The following SDK1 variants were observed in gnomAD, a reference collection of about 807,000 sequenced individuals.
SDK1 encodes sidekick cell adhesion molecule 1.
A neutral mutation model predicts 245.5 loss-of-function variants in SDK1; 157 were observed. The ratio of observed to expected loss-of-function variants is 0.64; its 90% CI spans 0.56 to 0.73. SDK1 has a LOEUF of 0.73. SDK1 is among the 30% of genes least tolerant of loss of function. The pLI is 0.00. For missense variants in SDK1, 3,583 were observed against 3,002.3 expected (o/e 1.19, Z -4.52); for synonymous variants, 1,647 against 1,278.5 (o/e 1.29, Z -6.15).
Position 4,175,887 on chromosome 7 carries a change from C to T in SDK1, c.4996+53C>T, listed in dbSNP as rs1244093061. The T allele has an allele frequency of 2.6e-6, 4 of 1,514,382 alleles. No individual in the cohort carries two copies. The South Asian group carries it at 3.4e-5, about 13-fold the overall frequency. 93.8% of individuals were successfully genotyped at this position (1,514,382 alleles called of 1,614,324 possible). On this transcript the variant is annotated intron_variant, in intron 34 of 44. Coordinates refer to ENST00000404826, the MANE Select transcript of SDK1 (RefSeq NM_152744.4). ...TGCCGCGAGGCGCACACACTGTGCCCAGAGCCAGCTGGTCTCTCAGTGCAA... is the reference window on the plus strand; with the variant it reads ...TGCCGCGAGGCGCACACACTGTGCCTAGAGCCAGCTGGTCTCTCAGTGCAA...
chr7:3,883,917 C>T (rs762482502), intron 5 of SDK1, among the ~76,000 whole-genome samples: 1 of 152,142 alleles, frequency 6.6e-6, no homozygotes, highest in Non-Finnish European at 1.5e-5. Context: ...AACATCAATA[C>T]GATGAAGTCA....
chr7:3,985,240 C>G (rs746630350), intron 13 of SDK1, among the ~76,000 whole-genome samples: 2 of 152,378 alleles, frequency 1.3e-5, no homozygotes, highest in African/African-American at 2.4e-5. Flanking sequence ...ACTCAGGAAA[C>G]TAAAACAGTC....
intron 16 of SDK1, among the ~76,000 whole-genome samples, chr7:4,014,436 T>C (rs1376297381): frequency 6.6e-6 from 1 of 152,124 alleles, no homozygotes; most frequent in Non-Finnish European, 1.5e-5. Context: ...TATCAAAGTT[T>C]TCAGAAATGA....
At chr7:3,853,211 C>T (rs1780461342) in intron 5 of SDK1, among the ~76,000 whole-genome samples, 2 of 152,028 alleles carry the variant, frequency 1.3e-5, no homozygotes, top group African/African-American at 4.8e-5. Context: ...ATTGACTTTC[C>T]ATTGCAAAGA....
intron 14 of SDK1, among the ~76,000 whole-genome samples, chr7:3,997,440 C>T (rs1443116617): frequency 5.3e-5 from 8 of 152,004 alleles, no homozygotes; most frequent in Non-Finnish European, 1.2e-4. Context: ...GCTGGCAGCT[C>T]ATCCCGACAA....
chr7:3,418,999 T>C (rs1278174090), intron 1 of SDK1, among the ~76,000 whole-genome samples: 1 of 152,208 alleles, frequency 6.6e-6, no homozygotes, highest in Non-Finnish European at 1.5e-5. Context: ...CAAAGAATGT[T>C]ATATCAAAAG....
chr7:3,534,656 C>T (rs1778822068), intron 1 of SDK1, among the ~76,000 whole-genome samples: 1 of 152,144 alleles, frequency 6.6e-6, no homozygotes, highest in South Asian at 2.1e-4. Flanking sequence ...CTGCCTTTCA[C>T]ACTAGAGGCT....
chr7:3,642,177 G>C (rs575078984), intron 4 of SDK1, 72 bp downstream of exon 4: 2 of 1,452,004 alleles, frequency 1.4e-6, no homozygotes. Context: ...TACACAGTAA[G>C]TGTACCAATT....
intron 13 of SDK1, among the ~76,000 whole-genome samples, chr7:3,977,622 C>A (rs530123904): frequency 6.6e-6 from 1 of 152,238 alleles, no homozygotes. Context: ...TAGCATTCAA[C>A]GACAGTAGCA....
At chr7:3,645,038 CA>C (rs1782786137) in intron 4 of SDK1, among the ~76,000 whole-genome samples, 1 of 152,094 alleles carries the variant, frequency 6.6e-6, no homozygotes, top group African/African-American at 2.4e-5. Flanking sequence ...AACTTAGCAG[CA>C]AATAAGTCTG....
At chr7:3,683,682 C>T (rs1055594799) in intron 4 of SDK1, among the ~76,000 whole-genome samples, 1 of 152,220 alleles carries the variant, frequency 6.6e-6, no homozygotes, top group Non-Finnish European at 1.5e-5. Context: ...AAAGGAGAGG[C>T]AGCTGCCTGG....
chr7:3,367,507 C>T (rs1781122489), intron 1 of SDK1, among the ~76,000 whole-genome samples: 1 of 152,188 alleles, frequency 6.6e-6, no homozygotes, highest in African/African-American at 2.4e-5. Context: ...CCCGGCATTT[C>T]ATCTATCCCA....
intron 32 of SDK1, among the ~76,000 whole-genome samples, chr7:4,171,174 C>T (rs983091436): frequency 4.6e-5 from 7 of 152,260 alleles, no homozygotes; most frequent in South Asian, 2.1e-4. Context: ...AGGGTGTGGA[C>T]GGATGGGGTG....
chr7:3,334,437 A>C (rs185297320), intron 1 of SDK1, among the ~76,000 whole-genome samples: 132 of 152,094 alleles, frequency 8.7e-4, no homozygotes, highest in African/African-American at 3.0e-3. Flanking sequence ...GTCCCTTTCA[A>C]ATGACCACAG....
intron 5 of SDK1, among the ~76,000 whole-genome samples, chr7:3,843,282 G>C (rs1780202412): frequency 1.3e-5 from 2 of 152,222 alleles, no homozygotes; most frequent in African/African-American, 4.8e-5. Flanking sequence ...GCATAACGTA[G>C]ACTCACATGG....
chr7:4,186,704 A>T (rs2128221439), intron 35 of SDK1, among the ~76,000 whole-genome samples: 1 of 152,194 alleles, frequency 6.6e-6, no homozygotes, highest in Non-Finnish European at 1.5e-5. Flanking sequence ...CTAGGGAGAG[A>T]CCAGAAGCCC....
At chr7:3,399,001 A>G (rs184554507) in intron 1 of SDK1, among the ~76,000 whole-genome samples, 2 of 151,988 alleles carry the variant, frequency 1.3e-5, no homozygotes, top group Non-Finnish European at 2.9e-5. Flanking sequence ...GGAGAGTGGG[A>G]CTTCCGAGCT....
In SDK1 at chr7:3,301,555, C is replaced by T. The variant is rs1779257355; in HGVS notation, c.-32C>T. 4.9e-6 allele frequency: 4 copies of T among 810,196 alleles called. No homozygotes were observed. The highest frequency in any genetic ancestry group is 5.9e-6 in the Non-Finnish European group (4 of 674,214). The allele number at this position is 810,196 out of a possible 1,614,324, so 50.2% of individuals were successfully genotyped here. On this transcript the variant is annotated 5_prime_UTR_variant, in exon 1 of 45. Coordinates refer to ENST00000404826, the MANE Select transcript of SDK1 (RefSeq NM_152744.4). Reference sequence around the variant, plus strand: ...CGCCTGTCCTGCCCGCCCGTCCGTCCGGCGCGGCGCTCGGGGTGGCGGCTG... The same window carrying T: ...CGCCTGTCCTGCCCGCCCGTCCGTCTGGCGCGGCGCTCGGGGTGGCGGCTG...
intron 4 of SDK1, among the ~76,000 whole-genome samples, chr7:3,820,564 A>G (rs116229042): frequency 0.015 from 2,278 of 152,326 alleles, 52 homozygotes; most frequent in African/African-American, 0.051. Flanking sequence ...AGTTCCTTGG[A>G]TGAATGGAAG....
Sources: gnomAD v4.1 joint callset for allele counts (sites outside exome capture counted in the v4.1 genomes callset) on GRCh38, gnomAD v4.1.1 for gene constraint, MANE v1.5 for transcripts, NCBI Gene and HGNC (gene_info 2026-07-23, HGNC 2026-07-21) for gene names.